The following PPFIA4 variants were observed in gnomAD, a reference collection of about 807,000 sequenced individuals.
PPFIA4 encodes the protein PPFI scaffold protein A4.
A neutral mutation model predicts 145.7 loss-of-function variants in PPFIA4; 98 were observed. The ratio of observed to expected loss-of-function variants is 0.67; its 90% CI spans 0.57 to 0.80. PPFIA4 has a LOEUF of 0.80. Ranked by LOEUF, PPFIA4 falls within the 30% of genes least tolerant of loss-of-function variation. The pLI is 0.00. For synonymous variants in PPFIA4, 628 were observed against 649.6 expected (o/e 0.97, Z 0.51); for missense variants, 1,457 against 1,632.7 (o/e 0.89, Z 1.85).
rs1168320620 is a variant in PPFIA4, at chr1:203,068,611, C to A, written c.3307C>A (p.Pro1103Thr). ...CACACTGGCCCTGATCCTCCAGATC[C>A]CCACACAGAACACCCAGGTGGGCAG... ...HNTLALILQI[P>T]TQNTQARQVM... Residue 1103 changes from proline to threonine, a missense_variant, in exon 27 of 30, where the codon CCC (proline) becomes ACC (threonine). Coordinates refer to ENST00000295706, the MANE Select transcript of PPFIA4 (RefSeq NM_001304331.2). This position sits in a 1 kb window ranked among gnomAD's most constrained non-coding sequence, Gnocchi z 4.7. The A allele has an allele frequency of 6.5e-6, 10 of 1,544,984 alleles. No homozygotes were observed. The highest frequency in any genetic ancestry group is 6.2e-5 in the South Asian group (5 of 80,480).
rs375220291 is a variant in PPFIA4, at chr1:203,060,438, C to G, written c.2784+21C>G. 2.4e-5 allele frequency: 38 copies of G among 1,609,444 alleles called. No homozygotes were observed. The highest frequency in any genetic ancestry group is 3.0e-5 in the Non-Finnish European group (35 of 1,179,130). On this transcript the variant is annotated intron_variant, in intron 22 of 29. Coordinates refer to ENST00000295706, the MANE Select transcript of PPFIA4 (RefSeq NM_001304331.2). This position sits in a 1 kb window ranked among gnomAD's most constrained non-coding sequence, Gnocchi z 4.8. Reference sequence around the variant, plus strand: ...GGACTGTGAGTGGCCCCTCCTTTGCCCAGGACATTTTCAGAGGTCCTGGAA... The same window carrying G: ...GGACTGTGAGTGGCCCCTCCTTTGCGCAGGACATTTTCAGAGGTCCTGGAA...
chr1:203,046,131 C>T, intron 8 of PPFIA4, 117 bp from the exon 9 acceptor site: 2 of 1,543,596 alleles, frequency 1.3e-6, no homozygotes, highest in Non-Finnish European at 1.8e-6. Context: ...GGGCAGCCAA[C>T]AACCAAGATT....
chr1:203,056,523 C>G lies in PPFIA4; in HGVS notation c.2240+15C>G. Reference sequence around the variant, plus strand: ...GAAGGCAAGAGGTAAGTAGAGCAGACCCCACCTCCAGTCTCTCCATCCACA... The same window carrying G: ...GAAGGCAAGAGGTAAGTAGAGCAGAGCCCACCTCCAGTCTCTCCATCCACA... On this transcript the variant is annotated intron_variant, in intron 18 of 29. Transcript: ENST00000295706. The G allele has an allele frequency of 6.2e-7, 1 of 1,611,302 alleles. No individual in the cohort carries two copies.
chr1:203,046,508 T>C lies in PPFIA4; in HGVS notation c.1140+126T>C, dbSNP rs959711034. Reference sequence around the variant, plus strand: ...GGAGCCAGAAAACTGCTTCCCGCCGTGTGATTCCAGGGAGCACACTGCCTT... The same window carrying C: ...GGAGCCAGAAAACTGCTTCCCGCCGCGTGATTCCAGGGAGCACACTGCCTT... On this transcript the variant is annotated intron_variant, in intron 9 of 29. Coordinates refer to ENST00000295706, the MANE Select transcript of PPFIA4 (RefSeq NM_001304331.2). 7.7e-6 allele frequency: 9 copies of C among 1,161,326 alleles called. No individual in the cohort carries two copies. In the Admixed American group the frequency reaches 2.5e-4, roughly 32 times the overall value. The allele number at this position is 1,161,326 out of a possible 1,614,324, so 71.9% of individuals were successfully genotyped here.
In PPFIA4 at chr1:203,076,040, C is replaced by T. The variant is rs1173119587; in HGVS notation, c.3574+283C>T. On this transcript the variant is annotated intron_variant, in intron 29 of 29. Coordinates refer to ENST00000295706, the MANE Select transcript of PPFIA4 (RefSeq NM_001304331.2). Reference sequence around the variant, plus strand: ...TACTCCTGCTGACCCCCCATCCTCCCGCCCCGGGTCTGACGGGGGAGTGCC... The same window carrying T: ...TACTCCTGCTGACCCCCCATCCTCCTGCCCCGGGTCTGACGGGGGAGTGCC... The T allele has an allele frequency of 2.9e-5, 17 of 581,942 alleles. No homozygotes were observed. In the South Asian group the frequency reaches 3.6e-4, roughly 12 times the overall value. 36.0% of individuals were successfully genotyped at this position (581,942 alleles called of 1,614,324 possible). A position where few individuals can be genotyped will look rare whatever the true frequency, so the allele number is the denominator to read the frequency against.
At chr1:203,044,574 C>A in intron 5 of PPFIA4, 121 bp downstream of exon 5, 2 of 1,397,020 alleles carry the variant, frequency 1.4e-6, no homozygotes. Flanking sequence ...CTAGGCAAGG[C>A]TAGGCTGAGC....
Position 203,045,836 on chromosome 1 carries a change from C to G in PPFIA4, c.859-5C>G. On this transcript the variant is annotated splice_region_variant and splice_polypyrimidine_tract_variant and intron_variant, in intron 7 of 29. Coordinates refer to ENST00000295706, the MANE Select transcript of PPFIA4 (RefSeq NM_001304331.2). ...TACCGTCCTTCTTGTCCCCTCTTCT[C>G]CCAGGCTCTGGCCCAGAAGGAGGAC... 6.2e-7 allele frequency: 1 copy of G among 1,612,862 alleles called. No homozygotes were observed.
At chr1:203,038,234 A>G (rs575108597) in intron 1 of PPFIA4, among the ~76,000 whole-genome samples, 3 of 152,106 alleles carry the variant, frequency 2.0e-5, no homozygotes, top group Admixed American at 6.5e-5. Context: ...TGGCACAGAG[A>G]CCCTATTTCC....
chr1:203,044,707 G>A lies in PPFIA4; in HGVS notation c.588G>A (p.Leu196=). ...CTTGTGCCCTACAGGTGTCTGCCCTGCAGCAGGGGGCAGGGGTGCGGGATG... is the reference window on the plus strand; with the variant it reads ...CTTGTGCCCTACAGGTGTCTGCCCTACAGCAGGGGGCAGGGGTGCGGGATG... ...LAGAHQQVSA[L]QQGAGVRDGA... Residue 196 remains leucine, a synonymous_variant, in exon 6 of 30, where the codon CTG becomes CTA. Coordinates refer to ENST00000295706, the MANE Select transcript of PPFIA4 (RefSeq NM_001304331.2). 6.4e-7 allele frequency: 1 copy of A among 1,556,718 alleles called. No homozygotes were observed.
At position 203,053,834 on chromosome 1, in the gene PPFIA4, GTGGA is replaced by G; in HGVS notation, c.1705_1708del (p.Asp569ArgfsTer27). On this transcript the variant is annotated frameshift_variant, in exon 15 of 30. Coordinates refer to ENST00000295706, the MANE Select transcript of PPFIA4 (RefSeq NM_001304331.2). LOFTEE classifies it high-confidence loss of function. ...TGACAGTGACCCTGAGATCTCCGAC[GTGGA>G]TGAGGATGAGCCAGGGGGTCTGGTG... 1 of 1,554,268 alleles carries G rather than the reference GTGGA, an allele frequency of 6.4e-7. No homozygotes were observed. Among genetic ancestry groups the G allele is most frequent in the Non-Finnish European group, 8.7e-7 (1 of 1,148,412 alleles).
chr1:203,059,955 G>A, intron 21 of PPFIA4, 104 bp downstream of exon 21: 1 of 1,001,520 alleles, frequency 1.0e-6, no homozygotes, highest in Non-Finnish European at 1.5e-6. Context: ...TTTCTCCCCT[G>A]CCAAGTGGAA....
intron 9 of PPFIA4, 132 bp downstream of exon 9, chr1:203,046,514 T>A: frequency 9.4e-7 from 1 of 1,060,324 alleles, no homozygotes; most frequent in Non-Finnish European, 1.3e-6. Context: ...GCCGTGTGAT[T>A]CCAGGGAGCA....
rs1661869945 is a variant in PPFIA4, at chr1:203,068,255, G to A, written c.3149-198G>A. 6.6e-6 allele frequency among the ~76,000 whole-genome samples: 1 copy of A among 152,214 alleles called. No homozygotes were observed. The highest frequency in any genetic ancestry group is 2.1e-4 in the South Asian group (1 of 4,834). ...GGTCCTGTAAACTGGCAGGGATGGA[G>A]TGAGTGGGGGGTTGGTTCCCCAGGC... is the stretch of plus-strand genomic sequence containing the variant. On this transcript the variant is annotated intron_variant, in intron 26 of 29. Coordinates refer to ENST00000295706, the MANE Select transcript of PPFIA4 (RefSeq NM_001304331.2). The surrounding 1 kb of genome is among the most constrained non-coding windows in gnomAD (Gnocchi z 4.7).
chr1:203,076,077 G>A, intron 29 of PPFIA4: 1 of 593,852 alleles, frequency 1.7e-6, no homozygotes, highest in Non-Finnish European at 2.9e-6. Context: ...GTGGCTCGGG[G>A]TAAGTGGGCC....
chr1:203,067,662 T>A, intron 25 of PPFIA4, 33 bp from the exon 26 acceptor site: 3 of 1,593,920 alleles, frequency 1.9e-6, no homozygotes, highest in Non-Finnish European at 2.6e-6. Context: ...GTGGCCCCAC[T>A]GAGGCTCTGG....
chr1:203,043,810 T>G lies in PPFIA4; in HGVS notation c.337-121T>G. ...CTGTGCCCATTTGGAAGTATTTCAGTGTTTTCACAGTGGGGTGGCTGTAAC... is the reference window on the plus strand; with the variant it reads ...CTGTGCCCATTTGGAAGTATTTCAGGGTTTTCACAGTGGGGTGGCTGTAAC... On this transcript the variant is annotated intron_variant, in intron 3 of 29. Transcript: ENST00000295706. The surrounding 1 kb of genome is among the most constrained non-coding windows in gnomAD (Gnocchi z 4.4). The G allele has an allele frequency of 9.9e-7, 1 of 1,013,536 alleles. No individual in the cohort carries two copies. The highest frequency in any genetic ancestry group is 2.6e-5 in the East Asian group (1 of 38,186). The allele number at this position is 1,013,536 out of a possible 1,614,324, so 62.8% of individuals were successfully genotyped here. A position where few individuals can be genotyped will look rare whatever the true frequency, so the allele number is the denominator to read the frequency against.
rs2102663698 is a variant in PPFIA4 at position 203,056,943 on chromosome 1, A to G, written c.2400A>G (p.Thr800=). The change falls in exon 19 of 30, where the codon ACA becomes ACG. Residue 800 remains threonine, a synonymous_variant. Coordinates refer to ENST00000295706, the MANE Select transcript of PPFIA4 (RefSeq NM_001304331.2). The stretch of plus-strand genomic sequence containing the variant: ...TCCAGCTGAGTCGGGATGGAGCCAC[A>G]GGCCATGGTCTCTGTCCCCTTCCTA... ...RLIQLSRDGA[T]GHVLLTDSEF... is the part of the protein sequence containing the mutation. 4 of 1,614,054 alleles carry G rather than the reference A, an allele frequency of 2.5e-6. No homozygotes were observed. In the East Asian group the frequency reaches 6.7e-5, roughly 27 times the overall value.
rs1660898894 is a variant in PPFIA4, at chr1:203,055,831, G to A, written c.2070+159G>A. ...GTCAGGCCACCAGCCTGTCCTTCTG[G>A]GTTTGGGAAGGGCCTAGGTCATATC... is the stretch of plus-strand genomic sequence containing the variant. On this transcript the variant is annotated intron_variant, in intron 16 of 29. Coordinates refer to ENST00000295706, the MANE Select transcript of PPFIA4 (RefSeq NM_001304331.2). The surrounding 1 kb of genome is among the most constrained non-coding windows in gnomAD (Gnocchi z 4.8). 6.6e-6 allele frequency among the ~76,000 whole-genome samples: 1 copy of A among 152,136 alleles called. No individual in the cohort carries two copies. The highest frequency in any genetic ancestry group is 2.4e-5 in the African/African-American group (1 of 41,396).
intron 1 of PPFIA4, among the ~76,000 whole-genome samples, chr1:203,035,085 C>A (rs2102613299): frequency 6.6e-6 from 1 of 152,330 alleles, no homozygotes; most frequent in Non-Finnish European, 1.5e-5. Context: ...CTCTGGCGAC[C>A]ATTATTTTTC....
Sources: allele counts gnomAD v4.1 joint callset (sites outside exome capture counted in the v4.1 genomes callset), GRCh38; gene constraint gnomAD v4.1.1; non-coding constraint Gnocchi (gnomAD v3.1); transcripts MANE v1.5; gene names NCBI Gene and HGNC (gene_info 2026-07-23, HGNC 2026-07-21).